Variants in TOR1AIP1 observed in about 807,000 individuals in gnomAD.
The protein encoded by TOR1AIP1 is torsin 1A interacting protein 1, also known as torsin-1A-interacting protein 1.
TOR1AIP1 carries 54 observed loss-of-function variants against 63.3 expected under a neutral mutation model. The observed-to-expected ratio is 0.85, with a 90% CI of 0.69 to 1.07. The LOEUF (loss-of-function observed/expected upper bound fraction) is 1.07, where lower values mean the gene tolerates loss of function less well. Among genes scored for constraint, TOR1AIP1 ranks in the 50% least tolerant of loss-of-function variants. The pLI is 0.00. For missense variants in TOR1AIP1, 736 were observed against 715.0 expected, an observed-to-expected ratio of 1.03 and a Z score of -0.33; for synonymous variants, 294 against 273.5, an observed-to-expected ratio of 1.07 and a Z score of -0.74.
chr1:179,899,674 T>C (rs1292932567), intron 3 of TOR1AIP1, among the ~76,000 whole-genome samples: 1 of 152,258 alleles, frequency 6.6e-6, no homozygotes, highest in African/African-American at 2.4e-5. Flanking sequence ...AGACAGAGTC[T>C]TGCTCTGTCG....
chr1:179,901,533 C>A, intron 5 of TOR1AIP1, 145 bp downstream of exon 5: 1 of 452,662 alleles, frequency 2.2e-6, no homozygotes, highest in Non-Finnish European at 3.9e-6. Context: ...ATTAAAATTA[C>A]TGATTTCGTG....
At position 179,919,895 on chromosome 1, in the gene TOR1AIP1, T is replaced by C. The variant is rs1369536066; in HGVS notation, c.*1656T>C. On this transcript the variant is annotated 3_prime_UTR_variant, in exon 10 of 10. Coordinates refer to ENST00000606911, the MANE Select transcript of TOR1AIP1 (RefSeq NM_015602.4). ...CCAGAGTTTTTGAAAAGGCTTATTTTATACATACGTATTATATAGAGAAAC... is the reference window on the plus strand; with the variant it reads ...CCAGAGTTTTTGAAAAGGCTTATTTCATACATACGTATTATATAGAGAAAC... The C allele has an allele frequency of 6.6e-6, 1 of 152,252 alleles. No homozygotes were observed. Among genetic ancestry groups the C allele is most frequent in the South Asian group, 2.1e-4 (1 of 4,836 alleles). The allele number at this position is 152,252 out of a possible 1,614,324, so 9.4% of individuals were successfully genotyped here.
chr1:179,893,395 G>A (rs139338065), intron 3 of TOR1AIP1, among the ~76,000 whole-genome samples: 172 of 152,134 alleles, frequency 1.1e-3, no homozygotes, highest in African/African-American at 4.1e-3. Flanking sequence ...CTTTCCTGCT[G>A]CCCCACTCTT....
chr1:179,890,244 C>A (rs1366017038), intron 3 of TOR1AIP1, among the ~76,000 whole-genome samples: 1 of 152,106 alleles, frequency 6.6e-6, no homozygotes, highest in Non-Finnish European at 1.5e-5. Context: ...ATGAAGAAAA[C>A]TAGTAAAGAC....
intron 3 of TOR1AIP1, among the ~76,000 whole-genome samples, chr1:179,890,606 C>CT (rs901612096): frequency 2.4e-4 from 36 of 149,840 alleles, no homozygotes; most frequent in African/African-American, 3.7e-4. Flanking sequence ...TATTTCTATT[C>CT]TTTTTTTTTT....
chr1:179,882,579 G>A lies in TOR1AIP1; in HGVS notation c.77G>A (p.Arg26Gln). ...TACGTCACCCCCAGGGCCCCCATCC[G>A]AGAGGGAAGGGGCCGGCTCGCCCCT... ...GVYVTPRAPI[R>Q]EGRGRLAPQN... The change falls in exon 1 of 10, where the codon CGA (arginine) becomes CAA (glutamine). Residue 26 changes from arginine to glutamine, a missense_variant. Around this residue, in one of 2 missense-constraint regions of TOR1AIP1, gnomAD observed 464 missense variants for 371.0 expected, o/e 1.25. Coordinates refer to ENST00000606911, the MANE Select transcript of TOR1AIP1 (RefSeq NM_015602.4). The A allele has an allele frequency of 1.3e-6, 2 of 1,519,722 alleles. No individual in the cohort carries two copies. The highest frequency in any genetic ancestry group is 1.3e-5 in the South Asian group (1 of 75,172). 94.1% of individuals were successfully genotyped at this position (1,519,722 alleles called of 1,614,324 possible). A position where few individuals can be genotyped will look rare whatever the true frequency, so the allele number is the denominator to read the frequency against.
At position 179,882,541 on chromosome 1, in the gene TOR1AIP1, AG is replaced by A. The variant is rs771476063; in HGVS notation, c.41del (p.Gly14AspfsTer44). 2.0e-5 allele frequency: 30 copies of A among 1,482,654 alleles called. No individual in the cohort carries two copies. The highest frequency in any genetic ancestry group is 2.7e-5 in the Non-Finnish European group (30 of 1,118,486). The allele number at this position is 1,482,654 out of a possible 1,614,324, so 91.8% of individuals were successfully genotyped here. A position where few individuals can be genotyped will look rare whatever the true frequency, so the allele number is the denominator to read the frequency against. On this transcript the variant is annotated frameshift_variant, in exon 1 of 10. Coordinates refer to ENST00000606911, the MANE Select transcript of TOR1AIP1 (RefSeq NM_015602.4). LOFTEE classifies it high-confidence loss of function. ...DGRRAEAVRE[G>X]WGVYVTPRAP... ...GGCGGCGGGCAGAGGCGGTGCGGGA[AG>A]GATGGGGTGTGTACGTCACCCCCAG...
intron 3 of TOR1AIP1, among the ~76,000 whole-genome samples, chr1:179,896,426 CT>C: frequency 6.6e-6 from 1 of 152,040 alleles, no homozygotes; most frequent in Middle Eastern, 3.4e-3. Flanking sequence ...TTTTAAACAC[CT>C]TCTTTATGTC....
intron 7 of TOR1AIP1, 54 bp from the exon 8 acceptor site, chr1:179,908,551 G>A (rs939829247): frequency 1.4e-6 from 2 of 1,414,534 alleles, no homozygotes; most frequent in African/African-American, 1.4e-5. Context: ...CTGGAATATG[G>A]TATAAACTTT....
intron 3 of TOR1AIP1, among the ~76,000 whole-genome samples, chr1:179,890,703 G>C (rs1469308559): frequency 6.6e-6 from 1 of 151,960 alleles, no homozygotes; most frequent in Non-Finnish European, 1.5e-5. Flanking sequence ...TGTAGTCCCA[G>C]CTACTCTGGA....
At chr1:179,895,297 G>C (rs1427544671) in intron 3 of TOR1AIP1, among the ~76,000 whole-genome samples, 3 of 152,192 alleles carry the variant, frequency 2.0e-5, no homozygotes, top group Non-Finnish European at 4.4e-5. Context: ...ACATTGGGAA[G>C]AGTAATACCT....
At chr1:179,893,790 G>T (rs1239057415) in intron 3 of TOR1AIP1, among the ~76,000 whole-genome samples, 2 of 152,244 alleles carry the variant, frequency 1.3e-5, no homozygotes, top group African/African-American at 4.8e-5. Context: ...TACCGCTTCT[G>T]GGTGAAATTG....
intron 9 of TOR1AIP1, among the ~76,000 whole-genome samples, chr1:179,914,781 A>G (rs1648941824): frequency 1.3e-5 from 2 of 150,892 alleles, no homozygotes; most frequent in African/African-American, 4.9e-5. Context: ...CAACAGAGCG[A>G]GACTCTGTCT....
rs1176186504 is a variant in TOR1AIP1, at chr1:179,882,686, G to A, written c.184G>A (p.Glu62Lys). ...CCGGCGGGAAGTGAGGTTCTCGGACGAGCCGCCAGAAGTGTACGGCGACTT... is the reference window on the plus strand; with the variant it reads ...CCGGCGGGAAGTGAGGTTCTCGGACAAGCCGCCAGAAGTGTACGGCGACTT... ...QGRREVRFSDEPPEVYGDFEP... is the reference protein window; with the variant it reads ...QGRREVRFSDKPPEVYGDFEP... The change falls in exon 1 of 10, where the codon GAG (glutamate) becomes AAG (lysine). Residue 62 changes from glutamate to lysine, a missense_variant. Coordinates refer to ENST00000606911, the MANE Select transcript of TOR1AIP1 (RefSeq NM_015602.4). 7 of 1,604,918 alleles carry A rather than the reference G, an allele frequency of 4.4e-6. No individual in the cohort carries two copies. The highest frequency in any genetic ancestry group is 1.7e-4 in the Middle Eastern group (1 of 6,010).
At chr1:179,893,682 C>T (rs1421312646) in intron 3 of TOR1AIP1, among the ~76,000 whole-genome samples, 1 of 152,048 alleles carries the variant, frequency 6.6e-6, no homozygotes, top group Non-Finnish European at 1.5e-5. Context: ...CTCAAATGAT[C>T]CACCTTCCTT....
chr1:179,917,618 T>TTC lies in TOR1AIP1; in HGVS notation c.1131_1132insTC (p.Lys378SerfsTer49). Reference sequence around the variant, plus strand: ...AGAACCAGATGAATCAACTTAAGAATAAGTACCAAGGTCAAGATGAGAAGC... The same window carrying TTC: ...AGAACCAGATGAATCAACTTAAGAATTCAAGTACCAAGGTCAAGATGAGAAGC... On this transcript the variant is annotated frameshift_variant, in exon 10 of 10. Coordinates refer to ENST00000606911, the MANE Select transcript of TOR1AIP1 (RefSeq NM_015602.4). LOFTEE classifies it high-confidence loss of function. 6.2e-7 allele frequency: 1 copy of TTC among 1,614,132 alleles called. No homozygotes were observed. The highest frequency in any genetic ancestry group is 8.5e-7 in the Non-Finnish European group (1 of 1,180,032).
At chr1:179,883,172 G>C (rs1002829669) in intron 1 of TOR1AIP1, 195 bp downstream of exon 1, 1 of 616,444 alleles carries the variant, frequency 1.6e-6, no homozygotes, top group Non-Finnish European at 2.8e-6. Context: ...AGCGCCGACC[G>C]GAGGAGTGGA....
In TOR1AIP1 at chr1:179,918,568, A is replaced by T. The variant is rs574350572; in HGVS notation, c.*329A>T. ...GAGGGATTTGTGTCCTTTCTTATGA[A>T]CCTTCCTGATTTTTTAACTTAGATT... On this transcript the variant is annotated 3_prime_UTR_variant, in exon 10 of 10. Coordinates refer to ENST00000606911, the MANE Select transcript of TOR1AIP1 (RefSeq NM_015602.4). The T allele has an allele frequency of 1.2e-4, 23 of 197,264 alleles. No homozygotes were observed. The highest frequency in any genetic ancestry group is 2.2e-4 in the Admixed American group (4 of 18,488). The allele number at this position is 197,264 out of a possible 1,614,324, so 12.2% of individuals were successfully genotyped here.
chr1:179,902,617 GAATTCTTGATACAGA>G (rs376509154), intron 5 of TOR1AIP1, among the ~76,000 whole-genome samples: 529 of 152,178 alleles, frequency 3.5e-3, no homozygotes, highest in South Asian at 6.2e-3. Context: ...TTTTTCCTAT[GAATTCTTGATACAGA>G]AATGGAGATT....
Sources: gnomAD v4.1 joint callset for allele counts (sites outside exome capture counted in the v4.1 genomes callset) on GRCh38, gnomAD v4.1.1 for gene constraint, gnomAD v4.1.1 regional missense constraint, MANE v1.5 for transcripts, NCBI Gene and HGNC (gene_info 2026-07-23, HGNC 2026-07-21) for gene names.